Variants in PDE4DIP observed in about 807,000 individuals in gnomAD.
The protein encoded by PDE4DIP is phosphodiesterase 4D interacting protein.
In PDE4DIP, 59 loss-of-function variants were observed where a neutral mutation model predicts 221.4. The observed-to-expected ratio is 0.27, with a 90% CI of 0.22 to 0.33. The LOEUF is 0.33. Among genes scored for constraint, PDE4DIP ranks in the 10% least tolerant of loss-of-function variants. PDE4DIP has a pLI of 1.00. For synonymous variants in PDE4DIP, 404 were observed against 815.9 expected (o/e 0.50, Z 8.60); for missense variants, 1,036 against 2,154.2 (o/e 0.48, Z 10.28).
chr1:148,940,397 T>C (rs1417464836), intron 5 of PDE4DIP, among the ~76,000 whole-genome samples: 3 of 152,238 alleles, frequency 2.0e-5, no homozygotes, highest in African/African-American at 7.2e-5. Context: ...TTTATTGTTG[T>C]TATTACCCAA....
chr1:148,870,772 A>G (rs1466303108), intron 3 of PDE4DIP: 1 of 187,060 alleles, frequency 5.3e-6, no homozygotes, highest in Non-Finnish European at 1.1e-5. Flanking sequence ...TAAAATACAA[A>G]ACGCCTCCAT....
chr1:149,023,664 G>C (rs1306296574), intron 37 of PDE4DIP, among the ~76,000 whole-genome samples: 2 of 127,288 alleles, frequency 1.6e-5, no homozygotes, highest in African/African-American at 5.7e-5. Context: ...ATGTATATGT[G>C]TGCACATATA....
chr1:148,927,163 G>T (rs2046900330), intron 1 of PDE4DIP, among the ~76,000 whole-genome samples: 1 of 151,434 alleles, frequency 6.6e-6, no homozygotes, highest in Admixed American at 6.6e-5. Flanking sequence ...TGCTAAATCT[G>T]GTAATGCTAT....
chr1:148,929,033 A>G lies in PDE4DIP; in HGVS notation c.142-164A>G, dbSNP rs1553467589. The G allele has an allele frequency of 1.4e-5, 8 of 574,670 alleles. No individual in the cohort carries two copies. In the East Asian group the frequency reaches 2.6e-4, roughly 18 times the overall value. 35.6% of individuals were successfully genotyped at this position (574,670 alleles called of 1,614,324 possible). A position where few individuals can be genotyped will look rare whatever the true frequency, so the allele number is the denominator to read the frequency against. On this transcript the variant is annotated intron_variant, in intron 1 of 43. Transcript: ENST00000369354. ...AAGCTGTACAGTTTATTCTTCCTTG[A>G]CTAGATTGCTGATCCAACTAAATCC...
intron 1 of PDE4DIP, among the ~76,000 whole-genome samples, chr1:148,925,076 C>CA (rs1401845169): frequency 1.4e-5 from 2 of 143,156 alleles, no homozygotes; most frequent in Non-Finnish European, 3.0e-5. Context: ...GCATGCCAGG[C>CA]ACTGTGCGAT....
At chr1:148,947,474 CAT>C (rs1273646158) in intron 5 of PDE4DIP, among the ~76,000 whole-genome samples, 1 of 141,062 alleles carries the variant, frequency 7.1e-6, no homozygotes, top group African/African-American at 2.6e-5. Flanking sequence ...TCTTTTGGTG[CAT>C]AGTTTTTAGT....
At chr1:148,985,337 G>T (rs1169500055) in intron 21 of PDE4DIP, 7 of 151,952 alleles carry the variant, frequency 4.6e-5, no homozygotes, top group African/African-American at 1.7e-4. Context: ...GTATATTTCA[G>T]TTATAATGTT....
chr1:148,889,142 G>C, upstream of PDE4DIP, among the ~76,000 whole-genome samples: 1 of 152,180 alleles, frequency 6.6e-6, no homozygotes, highest in South Asian at 2.1e-4. Flanking sequence ...TGGACAGAAA[G>C]GGGATATTTG....
At position 149,005,917 on chromosome 1, in the gene PDE4DIP, GAGGTCAGGTGTT is replaced by G. The variant is rs1295564233; in HGVS notation, c.4415+481_4415+492del. On this transcript the variant is annotated intron_variant, in intron 27 of 43. Coordinates refer to ENST00000369354, the Ensembl canonical transcript of PDE4DIP. ...GGAGGCCAAGGCAGGTAGAACACCT[GAGGTCAGGTGTT>G]CGAGACCAGCCTACCCAACACGGTG... 3.7e-5 allele frequency among the ~76,000 whole-genome samples: 5 copies of G among 134,474 alleles called. No homozygotes were observed. In the East Asian group the frequency reaches 9.8e-4, roughly 26 times the overall value. 88.2% of individuals were successfully genotyped at this position (134,474 alleles called of 152,430 possible).
intron 42 of PDE4DIP, 130 bp downstream of exon 45, chr1:149,030,055 C>T (rs1328994161): frequency 1.1e-5 from 11 of 1,036,246 alleles, no homozygotes; most frequent in South Asian, 3.0e-5. Context: ...TGTCCCCAAA[C>T]CTCCTGTACC....
chr1:148,915,075 C>T (rs1224764084), intron 1 of PDE4DIP, among the ~76,000 whole-genome samples: 2 of 150,628 alleles, frequency 1.3e-5, no homozygotes, highest in Non-Finnish European at 2.9e-5. Context: ...GAATGTAACC[C>T]GAGATGTGTA....
chr1:148,953,944 C>G (rs1417350347), intron 5 of PDE4DIP: 7 of 1,484,176 alleles, frequency 4.7e-6, no homozygotes, highest in African/African-American at 2.8e-5. Flanking sequence ...CTGATTATAG[C>G]TAGCTGGCCT....
At chr1:148,905,068 A>G (rs1368791202) in intron 1 of PDE4DIP, among the ~76,000 whole-genome samples, 2 of 137,170 alleles carry the variant, frequency 1.5e-5, no homozygotes, top group Non-Finnish European at 3.1e-5. Flanking sequence ...TAATGTTTAA[A>G]TTAGCATTTC....
chr1:149,031,932 G>A lies in PDE4DIP; in HGVS notation c.7000-12G>A. ...TATACACTGATTTGGTTTGTTTTAT[G>A]TTTGTCTGCAGGTGAAATCCCTAAG... On this transcript the variant is annotated splice_polypyrimidine_tract_variant and intron_variant, in intron 43 of 43. Coordinates refer to ENST00000369354, the Ensembl canonical transcript of PDE4DIP. 2.5e-6 allele frequency: 4 copies of A among 1,602,332 alleles called. No individual in the cohort carries two copies. The highest frequency in any genetic ancestry group is 2.2e-5 in the South Asian group (2 of 90,542).
intron 37 of PDE4DIP, chr1:149,024,064 G>A (rs1553623765): frequency 6.6e-6 from 1 of 151,658 alleles, no homozygotes; most frequent in Non-Finnish European, 1.5e-5. Context: ...TTGAGAGTGA[G>A]GACTATGAAA....
exon 21 of PDE4DIP, chr1:148,981,355 T>A (rs2061038322): frequency 6.2e-7 from 1 of 1,613,912 alleles, no homozygotes; most frequent in Non-Finnish European, 8.5e-7. Context: ...TGGAAGAAGC[T>A]TGGAGCGCTT....
intron 16 of PDE4DIP, 122 bp downstream of exon 19, chr1:148,972,714 A>G (rs2152017343): frequency 1.9e-6 from 1 of 525,798 alleles, no homozygotes; most frequent in East Asian, 3.2e-5. Context: ...AGAACAAATA[A>G]GTTTGGAATT....
chr1:149,013,782 T>C (rs1323954038), intron 32 of PDE4DIP, among the ~76,000 whole-genome samples: 2 of 15,950 alleles, frequency 1.3e-4, no homozygotes, highest in Non-Finnish European at 2.1e-4. Context: ...CTTCTTCCTC[T>C]TTTTTTTTTT....
chr1:149,005,050 G>A (rs782501409), exon 27 of PDE4DIP: 16 of 1,610,176 alleles, frequency 9.9e-6, no homozygotes, highest in East Asian at 6.7e-5. Flanking sequence ...GAAGAGTTCC[G>A]GGTATATGGA....
Sources: allele counts gnomAD v4.1 joint callset (sites outside exome capture counted in the v4.1 genomes callset), GRCh38; gene constraint gnomAD v4.1.1; transcripts MANE v1.5; gene names NCBI Gene and HGNC (gene_info 2026-07-23, HGNC 2026-07-21).